SH3BGR: variants seen among roughly 807,000 people sequenced by gnomAD.
The protein encoded by SH3BGR is SH3 domain-binding glutamic acid-rich protein.
A neutral mutation model predicts 24.5 loss-of-function variants in SH3BGR; 29 were observed. The ratio of observed to expected loss-of-function variants is 1.18; its 90% CI spans 0.88 to 1.61. The LOEUF (loss-of-function observed/expected upper bound fraction) is 1.61, where lower values mean the gene tolerates loss of function less well. Among genes scored for constraint, SH3BGR ranks in the 40% most tolerant of loss-of-function variants. The pLI, the probability that SH3BGR is intolerant of heterozygous loss-of-function variation, is 0.00. For missense variants in SH3BGR, 162 were observed against 205.8 expected (o/e 0.79, Z 1.30); for synonymous variants, 55 against 65.7 (o/e 0.84, Z 0.79).
intron 4 of SH3BGR, among the ~76,000 whole-genome samples, chr21:39,507,084 G>A (rs2078595926): frequency 6.6e-6 from 1 of 152,126 alleles, no homozygotes; most frequent in African/African-American, 2.4e-5. Context: ...CTCTTCTCCT[G>A]CACATTATTT....
At chr21:39,483,334 G>A (rs1436965607) in intron 3 of SH3BGR, among the ~76,000 whole-genome samples, 1 of 152,196 alleles carries the variant, frequency 6.6e-6, no homozygotes, top group African/African-American at 2.4e-5. Flanking sequence ...GATCAACATA[G>A]ATATTGCCAT....
intron 3 of SH3BGR, among the ~76,000 whole-genome samples, chr21:39,479,168 G>A (rs1479512234): frequency 1.3e-5 from 2 of 151,960 alleles, no homozygotes; most frequent in African/African-American, 4.8e-5. Flanking sequence ...CTAGGGTTTC[G>A]AGGCCAGTCT....
upstream of SH3BGR, chr21:39,451,901 G>C (rs766672767): frequency 1.2e-6 from 2 of 1,613,506 alleles, no homozygotes; most frequent in East Asian, 4.5e-5. Context: ...GGAGGGAGGA[G>C]CCCAAGATGC....
At chr21:39,459,084 T>G (rs2077712093) in intron 1 of SH3BGR, among the ~76,000 whole-genome samples, 2 of 152,062 alleles carry the variant, frequency 1.3e-5, no homozygotes, top group Admixed American at 1.3e-4. Context: ...TCTGTTCACA[T>G]GAAGGACTTG....
chr21:39,491,294 C>G (rs182623067), intron 3 of SH3BGR, among the ~76,000 whole-genome samples: 2 of 151,754 alleles, frequency 1.3e-5, no homozygotes, highest in Non-Finnish European at 2.9e-5. Context: ...GGACTACAGG[C>G]GGGTGCCACC....
intron 3 of SH3BGR, 142 bp downstream of exon 3, chr21:39,475,357 A>G (rs2078010474): frequency 2.0e-6 from 1 of 499,760 alleles, no homozygotes; most frequent in Admixed American, 3.5e-5. Flanking sequence ...ATGCAGTCCT[A>G]TGCATAGAGA....
intron 3 of SH3BGR, 149 bp downstream of exon 3, chr21:39,475,364 G>C (rs1180310304): frequency 6.2e-6 from 3 of 484,308 alleles, no homozygotes; most frequent in East Asian, 3.1e-5. Flanking sequence ...CCTATGCATA[G>C]AGAGAATGCA....
chr21:39,499,326 C>T (rs1195327520), intron 3 of SH3BGR, among the ~76,000 whole-genome samples: 1 of 147,372 alleles, frequency 6.8e-6, no homozygotes, highest in Non-Finnish European at 1.5e-5. Flanking sequence ...CCATCCATTC[C>T]TCCGTCTGTC....
intron 3 of SH3BGR, among the ~76,000 whole-genome samples, chr21:39,497,513 A>G (rs2078418811): frequency 6.6e-6 from 1 of 152,012 alleles, no homozygotes; most frequent in African/African-American, 2.4e-5. Context: ...AAAACTGTAG[A>G]CTGGAGGAAA....
At chr21:39,512,013 C>G (rs1445766305) in intron 6 of SH3BGR, among the ~76,000 whole-genome samples, 1 of 152,188 alleles carries the variant, frequency 6.6e-6, no homozygotes, top group East Asian at 1.9e-4. Flanking sequence ...GGGTCTGTTT[C>G]TTGCACACTA....
chr21:39,514,473 C>T (rs2123586404), intron 6 of SH3BGR, among the ~76,000 whole-genome samples: 1 of 152,188 alleles, frequency 6.6e-6, no homozygotes, highest in East Asian at 1.9e-4. Context: ...GTGATCCTCC[C>T]ACCTCAGCTT....
intron 3 of SH3BGR, among the ~76,000 whole-genome samples, chr21:39,479,639 C>T (rs1026642216): frequency 1.3e-5 from 2 of 152,126 alleles, no homozygotes; most frequent in African/African-American, 4.8e-5. Flanking sequence ...CTTCAGCTGG[C>T]CTCATGCCCA....
In SH3BGR at chr21:39,452,092, T is replaced by C. The variant is rs766022737; in HGVS notation, c.-5T>C. The C allele has an allele frequency of 5.6e-6, 9 of 1,614,126 alleles. No individual in the cohort carries two copies. Among genetic ancestry groups the C allele is most frequent in the Non-Finnish European group, 7.6e-6 (9 of 1,179,990 alleles). On this transcript the variant is annotated 5_prime_UTR_variant, in exon 1 of 7. Transcript: ENST00000333634. ...TTGGGGGGAGTCCTCTTTCCAACTG[T>C]CGAAATGGTTATCAAAGTGTTTGTT...
intron 4 of SH3BGR, among the ~76,000 whole-genome samples, chr21:39,501,905 G>C (rs891929776): frequency 6.6e-6 from 1 of 152,216 alleles, no homozygotes; most frequent in Non-Finnish European, 1.5e-5. Flanking sequence ...CGGGCGCATG[G>C]CTCACGCCTA....
At chr21:39,485,072 C>G (rs2070535515) in intron 3 of SH3BGR, among the ~76,000 whole-genome samples, 1 of 152,130 alleles carries the variant, frequency 6.6e-6, no homozygotes, top group Non-Finnish European at 1.5e-5. Context: ...GGCCAAGGAC[C>G]AGACCAGTTT....
At chr21:39,499,168 G>A (rs1188539746) in intron 3 of SH3BGR, among the ~76,000 whole-genome samples, 1 of 151,682 alleles carries the variant, frequency 6.6e-6, no homozygotes, top group African/African-American at 2.4e-5. Flanking sequence ...GGGGATTATT[G>A]ACATTATGGG....
intron 2 of SH3BGR, among the ~76,000 whole-genome samples, chr21:39,467,886 A>G (rs944663670): frequency 6.6e-6 from 1 of 152,268 alleles, no homozygotes; most frequent in African/African-American, 2.4e-5. Flanking sequence ...TATTATCCTG[A>G]GAGCCAGGGC....
At chr21:39,477,991 T>G (rs1389231193) in intron 3 of SH3BGR, among the ~76,000 whole-genome samples, 2 of 152,196 alleles carry the variant, frequency 1.3e-5, no homozygotes, top group Non-Finnish European at 2.9e-5. Context: ...TACTTTTTTT[T>G]TGTGGTGAGA....
intron 2 of SH3BGR, among the ~76,000 whole-genome samples, chr21:39,471,618 G>A (rs76922643): frequency 8.4e-6 from 1 of 119,034 alleles, no homozygotes; most frequent in East Asian, 2.1e-4. Flanking sequence ...TTGTTTGTTT[G>A]TTTATTTATT....
Sources: allele counts gnomAD v4.1 joint callset (sites outside exome capture counted in the v4.1 genomes callset), GRCh38; gene constraint gnomAD v4.1.1; transcripts MANE v1.5; gene names NCBI Gene and HGNC (gene_info 2026-07-23, HGNC 2026-07-21).